The following RBFOX3 variants were observed in gnomAD, a reference collection of about 807,000 sequenced individuals.
RBFOX3 encodes the protein RNA binding fox-1 homolog 3, also known as RNA binding protein fox-1 homolog 3.
A neutral mutation model predicts 48.7 loss-of-function variants in RBFOX3; 17 were observed. The observed-to-expected ratio is 0.35, with a 90% CI of 0.24 to 0.52. RBFOX3 has a LOEUF of 0.52. RBFOX3 is among the 20% of genes least tolerant of loss of function. The pLI, the probability that RBFOX3 is intolerant of heterozygous loss-of-function variation, is 0.94. For missense variants in RBFOX3, 382 were observed against 497.5 expected, an observed-to-expected ratio of 0.77 and a Z score of 2.21; for synonymous variants, 212 against 209.5, an observed-to-expected ratio of 1.01 and a Z score of -0.10.
chr17:79,446,884 T>C (rs564675016), intron 2 of RBFOX3, among the ~76,000 whole-genome samples: 1 of 152,308 alleles, frequency 6.6e-6, no homozygotes, highest in Admixed American at 6.5e-5. Flanking sequence ...TCAATAAAGC[T>C]GTTTTCTCCT....
chr17:79,610,214 TG>T (rs2093940014), intron 1 of RBFOX3, among the ~76,000 whole-genome samples: 1 of 151,986 alleles, frequency 6.6e-6, no homozygotes, highest in Non-Finnish European at 1.5e-5. Context: ...ACAACTCCTT[TG>T]GGTCATCAAC....
Position 79,423,261 on chromosome 17 carries a change from G to A in RBFOX3, c.-175+59193C>T, listed in dbSNP as rs1485758027. On this transcript the variant is annotated intron_variant, in intron 2 of 14. Coordinates refer to ENST00000693108, the MANE Select transcript of RBFOX3 (RefSeq NM_001350451.2). The surrounding 1 kb of genome is among the most constrained non-coding windows in gnomAD (Gnocchi z 4.9). ...TTTCCAGGTTCCCAGGTACAAGTTC[G>A]TGGCATTGTCCTGGATTCCTTGACC... is the stretch of plus-strand genomic sequence containing the variant. Among the ~76,000 whole-genome samples, 1 of 152,108 alleles carries A rather than the reference G, an allele frequency of 6.6e-6. No individual in the cohort carries two copies. Among genetic ancestry groups the A allele is most frequent in the African/African-American group, 2.4e-5 (1 of 41,400 alleles).
Position 79,220,895 on chromosome 17 carries a change from T to G in RBFOX3, c.-34+14871A>C, listed in dbSNP as rs2059643816. On this transcript the variant is annotated intron_variant, in intron 4 of 14. Coordinates refer to ENST00000693108, the MANE Select transcript of RBFOX3 (RefSeq NM_001350451.2). This position sits in a 1 kb window ranked among gnomAD's most constrained non-coding sequence, Gnocchi z 5.9. Reference sequence around the variant, plus strand: ...ACGAGGCGCAGAAGTTGAATGTGCATTGGGTGCAGCAGGGGTGAGAGGGTG... The same window carrying G: ...ACGAGGCGCAGAAGTTGAATGTGCAGTGGGTGCAGCAGGGGTGAGAGGGTG... 6.6e-6 allele frequency among the ~76,000 whole-genome samples: 1 copy of G among 151,724 alleles called. No individual in the cohort carries two copies. Among genetic ancestry groups the G allele is most frequent in the African/African-American group, 2.4e-5 (1 of 41,304 alleles).
chr17:79,365,509 C>T (rs1286028680), intron 2 of RBFOX3, among the ~76,000 whole-genome samples: 6 of 152,230 alleles, frequency 3.9e-5, no homozygotes, highest in African/African-American at 1.2e-4. Flanking sequence ...TGCTCTAGCG[C>T]GGCCCTGGCG....
intron 2 of RBFOX3, among the ~76,000 whole-genome samples, chr17:79,372,432 T>A (rs1351539772): frequency 6.8e-6 from 1 of 146,228 alleles, no homozygotes; most frequent in African/African-American, 2.5e-5. Context: ...CTCAGTCTTA[T>A]GACCCCCCAG....
At chr17:79,213,320 C>G (rs140902317) in intron 4 of RBFOX3, among the ~76,000 whole-genome samples, 1 of 152,122 alleles carries the variant, frequency 6.6e-6, no homozygotes, top group Admixed American at 6.5e-5. Flanking sequence ...AAGGACGCGG[C>G]GGGGGGGCAC....
At chr17:79,598,399 C>T (rs1300636248) in intron 1 of RBFOX3, 1 of 151,030 alleles carries the variant, frequency 6.6e-6, no homozygotes, top group Non-Finnish European at 1.5e-5. Flanking sequence ...CGCACACACA[C>T]ACACATGCAC....
At chr17:79,420,125 T>TCACACACACACACACA (rs1362849426) in intron 2 of RBFOX3, among the ~76,000 whole-genome samples, 7 of 25,226 alleles carry the variant, frequency 2.8e-4, no homozygotes, top group African/African-American at 8.9e-4. Flanking sequence ...AGACTCCGTC[T>TCACACACACACACACA]CATACACACA....
chr17:79,238,851 T>C (rs549995239), intron 3 of RBFOX3, among the ~76,000 whole-genome samples: 1 of 152,328 alleles, frequency 6.6e-6, no homozygotes, highest in South Asian at 2.1e-4. Flanking sequence ...AGAGTCCCCA[T>C]TTTTGAAAGC....
At chr17:79,378,709 T>C (rs1002861002) in intron 2 of RBFOX3, among the ~76,000 whole-genome samples, 2 of 152,202 alleles carry the variant, frequency 1.3e-5, no homozygotes, top group Non-Finnish European at 1.5e-5. Context: ...CTGTGTCCCA[T>C]GTTAATGCAG....
chr17:79,665,023 G>T, the RBFOX3 span, among the ~76,000 whole-genome samples: 12 of 152,152 alleles, frequency 7.9e-5, no homozygotes, highest in African/African-American at 2.9e-4. Context: ...GGACACTGGG[G>T]TTGCTTCCAT....
rs961082912 is a variant in RBFOX3, at chr17:79,103,725, C to T, written c.414+348G>A. On this transcript the variant is annotated intron_variant, in intron 7 of 14. Coordinates refer to ENST00000693108, the MANE Select transcript of RBFOX3 (RefSeq NM_001350451.2). The surrounding 1 kb of genome is among the most constrained non-coding windows in gnomAD (Gnocchi z 6.1). ...AGTAGGGCTTGTCTCCGCCGGACAC[C>T]CTCCCCAGCCTGCCCTCTCTGTAGC... 3.3e-5 allele frequency among the ~76,000 whole-genome samples: 5 copies of T among 152,070 alleles called. No homozygotes were observed. Among genetic ancestry groups the T allele is most frequent in the African/African-American group, 9.7e-5 (4 of 41,398 alleles).
intron 4 of RBFOX3, among the ~76,000 whole-genome samples, chr17:79,172,211 C>T (rs938678958): frequency 6.9e-6 from 1 of 144,654 alleles, no homozygotes; most frequent in Non-Finnish European, 1.5e-5. Flanking sequence ...AAGAAAAAAA[C>T]GCCAACCTTT....
intron 4 of RBFOX3, among the ~76,000 whole-genome samples, chr17:79,216,727 C>A (rs1330305623): frequency 6.6e-6 from 1 of 152,168 alleles, no homozygotes; most frequent in Non-Finnish European, 1.5e-5. Flanking sequence ...CTTGACCGGG[C>A]ACAGAACACG....
intron 3 of RBFOX3, among the ~76,000 whole-genome samples, chr17:79,286,837 G>T (rs1247300567): frequency 6.6e-6 from 1 of 152,212 alleles, no homozygotes; most frequent in African/African-American, 2.4e-5. Flanking sequence ...GCAAGGAGGT[G>T]CCTGCTGAGG....
At chr17:79,611,789 G>A (rs979328181), upstream of RBFOX3, among the ~76,000 whole-genome samples, 68 of 152,306 alleles carry the variant, frequency 4.5e-4, no homozygotes, top group African/African-American at 1.6e-3. Flanking sequence ...GGAAGGGATC[G>A]GGCCCACTCC....
At chr17:79,456,877 C>A (rs2074587952) in intron 2 of RBFOX3, among the ~76,000 whole-genome samples, 1 of 152,368 alleles carries the variant, frequency 6.6e-6, no homozygotes, top group South Asian at 2.1e-4. Context: ...ACCCACTCAG[C>A]ACAGGGCTGC....
At chr17:79,511,528 G>A (rs1485571996) in intron 1 of RBFOX3, among the ~76,000 whole-genome samples, 1 of 152,144 alleles carries the variant, frequency 6.6e-6, no homozygotes, top group Admixed American at 6.5e-5. Context: ...GCCCGTGTGG[G>A]GTGAGGGCAG....
intron 4 of RBFOX3, among the ~76,000 whole-genome samples, chr17:79,232,056 C>T (rs758639405): frequency 6.6e-6 from 1 of 152,170 alleles, no homozygotes; most frequent in African/African-American, 2.4e-5. Flanking sequence ...CAGACGCTTA[C>T]AAAACCATCA....
Sources: gnomAD v4.1 joint callset for allele counts (sites outside exome capture counted in the v4.1 genomes callset) on GRCh38, gnomAD v4.1.1 for gene constraint, Gnocchi (gnomAD v3.1) non-coding constraint, MANE v1.5 for transcripts, NCBI Gene and HGNC (gene_info 2026-07-23, HGNC 2026-07-21) for gene names.